ZFHX2: variants seen among roughly 807,000 people sequenced by gnomAD.
ZFHX2 encodes the protein zinc finger homeobox protein 2.
A neutral mutation model predicts 164.8 loss-of-function variants in ZFHX2; 75 were observed. That is an observed-to-expected ratio of 0.46 (90% CI 0.38 to 0.55). ZFHX2 has a LOEUF of 0.55. Ranked by LOEUF, ZFHX2 falls within the 20% of genes least tolerant of loss-of-function variation. ZFHX2 has a pLI of 0.00. For missense variants in ZFHX2, 2,933 were observed against 3,308.0 expected, an observed-to-expected ratio of 0.89 and a Z score of 2.78; for synonymous variants, 1,217 against 1,351.4, an observed-to-expected ratio of 0.90 and a Z score of 2.18.
chr14:23,541,144 G>A (rs1035767759), intron 1 of ZFHX2, among the ~76,000 whole-genome samples: 1 of 151,870 alleles, frequency 6.6e-6, no homozygotes, highest in Non-Finnish European at 1.5e-5. Context: ...GACCTCAGGT[G>A]ATCCACCTGC....
upstream of ZFHX2, among the ~76,000 whole-genome samples, chr14:23,554,748 T>TA (rs1207984203): frequency 1.3e-5 from 2 of 152,004 alleles, no homozygotes; most frequent in African/African-American, 4.8e-5. Flanking sequence ...TGGTCATGTA[T>TA]TTCCAGAAAC....
chr14:23,524,495 T>C lies in ZFHX2; in HGVS notation c.5447A>G (p.Asn1816Ser). The change falls in exon 9 of 10, where the codon AAC becomes AGC. Residue 1816 changes from asparagine (N) to serine (S), a missense_variant. Physicochemically the swap from Asn to Ser is conservative, Grantham distance 46 (BLOSUM62 1). Coordinates refer to ENST00000419474, the MANE Select transcript of ZFHX2 (RefSeq NM_033400.3). The surrounding 1 kb of genome is among the most constrained non-coding windows in gnomAD (Gnocchi z 5.6). The stretch of plus-strand genomic sequence containing the variant: ...TGGTGAGGTGGCTGCCACCAGGGGG[T>C]TTCTCTCCCCAAACACCAGCAAGGG... ...DLPLLVFGERNPLVAATSPMP... is the reference protein window; with the variant it reads ...DLPLLVFGERSPLVAATSPMP... 1 of 1,528,514 alleles carries C rather than the reference T, an allele frequency of 6.5e-7. No individual in the cohort carries two copies. Among genetic ancestry groups the C allele is most frequent in the Non-Finnish European group, 8.8e-7 (1 of 1,142,746 alleles). 94.7% of individuals were successfully genotyped at this position (1,528,514 alleles called of 1,614,324 possible).
At position 23,534,873 on chromosome 14, in the gene ZFHX2, T is replaced by C; in HGVS notation, c.453A>G (p.Glu151=). 6.5e-7 allele frequency: 1 copy of C among 1,536,096 alleles called. No individual in the cohort carries two copies. The change falls in exon 2 of 10, where the codon GAA becomes GAG. Residue 151 remains glutamate, a synonymous_variant. Transcript: ENST00000419474. This position sits in a 1 kb window ranked among gnomAD's most constrained non-coding sequence, Gnocchi z 4.5. ...GFPWGEAGIK[E]EPSLPFLAYP... ...AGGCAAGGAAGGGCAGACTGGGCTCTTCCTTGATGCCCGCCTCACCCCAGG... is the reference window on the plus strand; with the variant it reads ...AGGCAAGGAAGGGCAGACTGGGCTCCTCCTTGATGCCCGCCTCACCCCAGG...
chr14:23,524,174 C>A lies in ZFHX2; in HGVS notation c.5768G>T (p.Gly1923Val), dbSNP rs1022264246. ...CGGTTTCACTGCTGGACTAGGCACC[C>A]CCCCAGGGGTGCTTCGAAACTGGCC... ...RKGQFRSTPG[G>V]VPSPAVKPPA... The change falls in exon 9 of 10, where the codon GGG (glycine) becomes GTG (valine). Residue 1923 changes from glycine (G) to valine (V), a missense_variant. Physicochemically the swap from Gly to Val is moderately radical, Grantham distance 109. Coordinates refer to ENST00000419474, the MANE Select transcript of ZFHX2 (RefSeq NM_033400.3). The surrounding 1 kb of genome is among the most constrained non-coding windows in gnomAD (Gnocchi z 5.6). 2.0e-6 allele frequency: 3 copies of A among 1,535,972 alleles called. No homozygotes were observed. Among genetic ancestry groups the A allele is most frequent in the Admixed American group, 2.0e-5 (1 of 50,976 alleles).
chr14:23,525,719 C>T lies in ZFHX2; in HGVS notation c.4223G>A (p.Arg1408Gln), dbSNP rs750078036. ...PQPPKAELAEREWERPPMAKE... is the reference protein window; with the variant it reads ...PQPPKAELAEQEWERPPMAKE... ...GGCCATGGGGGGCCGCTCCCACTCC[C>T]GCTCAGCCAGCTCAGCCTTGGGAGG... is the stretch of plus-strand genomic sequence containing the variant. The change falls in exon 9 of 10, where the codon CGG becomes CAG. Residue 1408 changes from arginine to glutamine, a missense_variant. Arg to Gln is a conservative substitution (Grantham distance 43). Coordinates refer to ENST00000419474, the MANE Select transcript of ZFHX2 (RefSeq NM_033400.3). This position sits in a 1 kb window ranked among gnomAD's most constrained non-coding sequence, Gnocchi z 5.9. 67 of 1,517,896 alleles carry T rather than the reference C, an allele frequency of 4.4e-5. No individual in the cohort carries two copies. Among genetic ancestry groups the T allele is most frequent in the South Asian group, 2.6e-4 (21 of 80,540 alleles). The allele number at this position is 1,517,896 out of a possible 1,614,324, so 94.0% of individuals were successfully genotyped here.
At chr14:23,532,440 TG>T in intron 3 of ZFHX2, 126 bp downstream of exon 3, 1 of 1,162,752 alleles carries the variant, frequency 8.6e-7, no homozygotes, top group Non-Finnish European at 1.1e-6. Context: ...TGTCATTACC[TG>T]GTGCATACTT....
intron 1 of ZFHX2, among the ~76,000 whole-genome samples, chr14:23,541,514 C>G (rs1382159490): frequency 6.6e-6 from 1 of 151,636 alleles, no homozygotes; most frequent in African/African-American, 2.4e-5. Context: ...CTCAAACTCC[C>G]AACCTCAGGT....
rs1437054678 is a variant in ZFHX2, at chr14:23,524,210, C to T, written c.5732G>A (p.Arg1911Gln). 17 of 1,536,366 alleles carry T rather than the reference C, an allele frequency of 1.1e-5. No individual in the cohort carries two copies. Among genetic ancestry groups the T allele is most frequent in the East Asian group, 2.4e-5 (1 of 40,926 alleles). ...VQVWFQNTRA[R>Q]ERKGQFRSTP... ...GCTTCGAAACTGGCCTTTCCTCTCC[C>T]GGGCCCTGGTATTCTGGAACCAGAC... Residue 1911 changes from arginine to glutamine, a missense_variant, in exon 9 of 10, where the codon CGG (arginine) becomes CAG (glutamine). Physicochemically the swap from Arg to Gln is conservative, Grantham distance 43 (BLOSUM62 1). Transcript: ENST00000419474. The surrounding 1 kb of genome is among the most constrained non-coding windows in gnomAD (Gnocchi z 5.6).
At chr14:23,542,321 G>C (rs1050636074) in intron 1 of ZFHX2, 1 of 152,564 alleles carries the variant, frequency 6.6e-6, no homozygotes, top group African/African-American at 2.4e-5. Context: ...AGATGGGGGT[G>C]GTAGGGAGCA....
rs984750785 is a variant in ZFHX2, at chr14:23,524,507, A to G, written c.5435T>C (p.Phe1812Ser). 6.5e-6 allele frequency: 10 copies of G among 1,527,370 alleles called. No individual in the cohort carries two copies. Among genetic ancestry groups the G allele is most frequent in the Non-Finnish European group, 7.9e-6 (9 of 1,142,206 alleles). The allele number at this position is 1,527,370 out of a possible 1,614,324, so 94.6% of individuals were successfully genotyped here. ...TGCCACCAGGGGGTTTCTCTCCCCA[A>G]ACACCAGCAAGGGCAGATCTAGGAG... ...PQLLDLPLLV[F>S]GERNPLVAAT... Residue 1812 changes from phenylalanine (F) to serine (S), a missense_variant, in exon 9 of 10, where the codon TTT becomes TCT. Phe to Ser is a radical substitution (Grantham distance 155, BLOSUM62 -2). Coordinates refer to ENST00000419474, the MANE Select transcript of ZFHX2 (RefSeq NM_033400.3). The surrounding 1 kb of genome is among the most constrained non-coding windows in gnomAD (Gnocchi z 5.6).
Position 23,523,564 on chromosome 14 carries a change from C to A in ZFHX2, c.6378G>T (p.Gln2126His). 1 of 1,539,594 alleles carries A rather than the reference C, an allele frequency of 6.5e-7. No individual in the cohort carries two copies. Among genetic ancestry groups the A allele is most frequent in the East Asian group, 2.4e-5 (1 of 41,362 alleles). ...CCCCAGTGCTCCCAGCGGCTGTCCC[C>A]TGTAGTTTGGCCTTCTTTTCCTTGG... ...ARAKEKKAKL[Q>H]GTAAGSTGGS... Residue 2126 changes from glutamine (Q) to histidine (H), a missense_variant, in exon 9 of 10, where the codon CAG (glutamine) becomes CAT (histidine). Physicochemically the swap from Gln to His is conservative, Grantham distance 24 (BLOSUM62 0). Transcript: ENST00000419474. This position sits in a 1 kb window ranked among gnomAD's most constrained non-coding sequence, Gnocchi z 4.1.
At position 23,532,065 on chromosome 14, in the gene ZFHX2, C is replaced by T. The variant is rs145958129; in HGVS notation, c.2560-344G>A. 9.1e-4 allele frequency: 170 copies of T among 187,392 alleles called. 1 individual carries two copies. Among genetic ancestry groups the T allele is most frequent in the African/African-American group, 3.5e-3 (152 of 43,036 alleles). The allele number at this position is 187,392 out of a possible 1,614,324, so 11.6% of individuals were successfully genotyped here. On this transcript the variant is annotated intron_variant, in intron 3 of 9. Coordinates refer to ENST00000419474, the MANE Select transcript of ZFHX2 (RefSeq NM_033400.3). ...TGCCGGGACTACAGGCGTGAGCCAC[C>T]GCACCTAGCCTCAGGGGACTTCTTT...
chr14:23,524,761 A>G lies in ZFHX2; in HGVS notation c.5181T>C (p.Pro1727=), dbSNP rs1446281908. ...GTAATGGGCCCTCAGGCCCTGCTGG[A>G]GGTTCAAGGCCCTGTTCCTCCTCTA... ...EEVEEEQGLE[P]PAGPEGPLPE... is the part of the protein sequence containing the mutation. The change falls in exon 9 of 10, where the codon CCT becomes CCC. Residue 1727 remains proline, a synonymous_variant. Transcript: ENST00000419474. The surrounding 1 kb of genome is among the most constrained non-coding windows in gnomAD (Gnocchi z 5.6). The G allele has an allele frequency of 2.0e-6, 3 of 1,536,262 alleles. No homozygotes were observed. Among genetic ancestry groups the G allele is most frequent in the African/African-American group, 1.4e-5 (1 of 73,044 alleles).
In ZFHX2 at chr14:23,521,175, G is replaced by C. The variant is rs1307055049; in HGVS notation, c.*787C>G. The C allele has an allele frequency of 6.6e-6, 1 of 152,458 alleles. No homozygotes were observed. Among genetic ancestry groups the C allele is most frequent in the Non-Finnish European group, 1.5e-5 (1 of 68,240 alleles). The allele number at this position is 152,458 out of a possible 1,614,324, so 9.4% of individuals were successfully genotyped here. A position where few individuals can be genotyped will look rare whatever the true frequency, so the allele number is the denominator to read the frequency against. ...ACTGCAGTTCCCAGGGTGCAAGGTA[G>C]GGATTGGCAGAGGGGTTTCTGGTGG... On this transcript the variant is annotated 3_prime_UTR_variant, in exon 10 of 10. Coordinates refer to ENST00000419474, the MANE Select transcript of ZFHX2 (RefSeq NM_033400.3).
rs1373230481 is a variant in ZFHX2 at position 23,522,074 on chromosome 14, T to C, written c.7607A>G (p.Asn2536Ser). 8.5e-6 allele frequency: 13 copies of C among 1,536,110 alleles called. No homozygotes were observed. The East Asian group carries it at 1.7e-4, about 20-fold the overall frequency. Residue 2536 changes from asparagine (N) to serine (S), a missense_variant, in exon 10 of 10, where the codon AAC becomes AGC. Transcript: ENST00000419474. ...PQGGPPISIT[N>S]AATAASAAVA... ...AGCAGCCGAGGCAGCAGTGGCGGCG[T>C]TGGTGATGGAGATGGGTGGGCCCCC...
chr14:23,530,128 T>A lies in ZFHX2; in HGVS notation c.2867A>T (p.Glu956Val). ...AGGGAGGGAAAACTCACCCAATTGTTCTGTCTTGTTCTGGGCATCTTTCTC... is the reference window on the plus strand; with the variant it reads ...AGGGAGGGAAAACTCACCCAATTGTACTGTCTTGTTCTGGGCATCTTTCTC... ...TPEKDAQNKT[E>V]QLASEETENK... The change falls in exon 5 of 10, where the codon GAA (glutamate) becomes GTA (valine). Residue 956 changes from glutamate (E) to valine (V), a missense_variant. Transcript: ENST00000419474. The A allele has an allele frequency of 6.5e-7, 1 of 1,535,976 alleles. No individual in the cohort carries two copies. Among genetic ancestry groups the A allele is most frequent in the Non-Finnish European group, 8.7e-7 (1 of 1,146,850 alleles).
chr14:23,525,301 A>G lies in ZFHX2; in HGVS notation c.4641T>C (p.His1547=). Residue 1547 remains histidine, a synonymous_variant, in exon 9 of 10, where the codon CAT becomes CAC. Coordinates refer to ENST00000419474, the MANE Select transcript of ZFHX2 (RefSeq NM_033400.3). This position sits in a 1 kb window ranked among gnomAD's most constrained non-coding sequence, Gnocchi z 5.9. ...CTGGGACCAGGAAGGGTGGGCCCAGATGGGGAACAGGTGAATCCAGAGACC... is the reference window on the plus strand; with the variant it reads ...CTGGGACCAGGAAGGGTGGGCCCAGGTGGGGAACAGGTGAATCCAGAGACC... ...PDGSLDSPVP[H]LGPPFLVPEP... is the part of the protein sequence containing the mutation. The G allele has an allele frequency of 6.5e-7, 1 of 1,535,980 alleles. No individual in the cohort carries two copies. Among genetic ancestry groups the G allele is most frequent in the Non-Finnish European group, 8.7e-7 (1 of 1,146,866 alleles).
At chr14:23,537,813 T>A in intron 1 of ZFHX2, among the ~76,000 whole-genome samples, 1 of 152,178 alleles carries the variant, frequency 6.6e-6, no homozygotes, top group East Asian at 1.9e-4. Flanking sequence ...TGTGAGGGTC[T>A]GTTATTCCAT....
chr14:23,535,181 CAG>C lies in ZFHX2; in HGVS notation c.143_144del (p.Ser48Ter). 6.5e-7 allele frequency: 1 copy of C among 1,533,096 alleles called. No homozygotes were observed. The highest frequency in any genetic ancestry group is 1.4e-5 in the African/African-American group (1 of 73,094). The allele number at this position is 1,533,096 out of a possible 1,614,324, so 95.0% of individuals were successfully genotyped here. A position where few individuals can be genotyped will look rare whatever the true frequency, so the allele number is the denominator to read the frequency against. ...TKDPPAASST[S>X]ENMRSSEPGG... Reference sequence around the variant, plus strand: ...CCTGGCTCTGAGGACCTCATGTTCTCAGAGGTGGAGGAGGCAGCAGGGGGATC... The same window carrying C: ...CCTGGCTCTGAGGACCTCATGTTCTCAGGTGGAGGAGGCAGCAGGGGGATC... On this transcript the variant is annotated frameshift_variant, in exon 2 of 10. Coordinates refer to ENST00000419474, the MANE Select transcript of ZFHX2 (RefSeq NM_033400.3). LOFTEE classifies it high-confidence loss of function. This position sits in a 1 kb window ranked among gnomAD's most constrained non-coding sequence, Gnocchi z 4.5.
Sources: allele counts gnomAD v4.1 joint callset (sites outside exome capture counted in the v4.1 genomes callset), GRCh38; gene constraint gnomAD v4.1.1; non-coding constraint Gnocchi (gnomAD v3.1); transcripts MANE v1.5; gene names NCBI Gene and HGNC (gene_info 2026-07-23, HGNC 2026-07-21).